TRPM3: variants seen among roughly 807,000 people sequenced by gnomAD.
TRPM3 encodes transient receptor potential cation channel subfamily M member 3.
A neutral mutation model predicts 181.2 loss-of-function variants in TRPM3; 77 were observed. The observed-to-expected ratio is 0.42, with a 90% CI of 0.35 to 0.51. TRPM3 has a LOEUF of 0.51. TRPM3 is among the 20% of genes least tolerant of loss of function. The pLI is 0.01. For missense variants in TRPM3, 1,759 were observed against 2,196.7 expected (o/e 0.80, Z 3.98); for synonymous variants, 745 against 796.4 (o/e 0.94, Z 1.09).
At chr9:70,770,686 C>G (rs558365462) in intron 7 of TRPM3, among the ~76,000 whole-genome samples, 1 of 152,196 alleles carries the variant, frequency 6.6e-6, no homozygotes, top group South Asian at 2.1e-4. Context: ...ATCTCCTCAT[C>G]TGTTAAATAA....
At chr9:71,323,746 AAAAT>A (rs925429345) in intron 1 of TRPM3, among the ~76,000 whole-genome samples, 2 of 152,156 alleles carry the variant, frequency 1.3e-5, no homozygotes, top group Admixed American at 6.6e-5. Context: ...CAGTGAAGGA[AAAAT>A]AAAGTTGACA....
In TRPM3 at chr9:71,437,286, A is replaced by T. The variant is rs1413163983; in HGVS notation, c.183+9367T>A. On this transcript the variant is annotated intron_variant, in intron 1 of 24. Transcript: ENST00000357533. ...TAATATCACTATTTTGCAATGCCCA[A>T]ATAAAATAATGGATCTTGGCAAACT... is the stretch of plus-strand genomic sequence containing the variant. 2.0e-5 allele frequency among the ~76,000 whole-genome samples: 3 copies of T among 152,232 alleles called. No homozygotes were observed. In the East Asian group the frequency reaches 5.8e-4, roughly 29 times the overall value.
intron 7 of TRPM3, among the ~76,000 whole-genome samples, chr9:70,779,399 C>T (rs979287233): frequency 6.6e-5 from 10 of 152,048 alleles, no homozygotes; most frequent in African/African-American, 1.7e-4. Context: ...CATAAAAATC[C>T]GTAATAAAAT....
At chr9:70,673,949 C>CAAAAAAAA (rs5898160) in intron 9 of TRPM3, among the ~76,000 whole-genome samples, 2 of 89,628 alleles carry the variant, frequency 2.2e-5, no homozygotes, top group Non-Finnish European at 2.0e-5. Flanking sequence ...AACTCCATCT[C>CAAAAAAAA]AAAAAAAAAA....
At chr9:71,441,376 A>G (rs1439523128) in intron 1 of TRPM3, among the ~76,000 whole-genome samples, 1 of 152,210 alleles carries the variant, frequency 6.6e-6, no homozygotes, top group African/African-American at 2.4e-5. Context: ...TGGTTTATAC[A>G]GTAATGGGCT....
intron 1 of TRPM3, among the ~76,000 whole-genome samples, chr9:71,371,412 A>G (rs2092508912): frequency 6.6e-6 from 1 of 152,222 alleles, no homozygotes; most frequent in Admixed American, 6.5e-5. Flanking sequence ...GTTTGGAAGA[A>G]GTTGATTACA....
intron 1 of TRPM3, among the ~76,000 whole-genome samples, chr9:71,333,901 C>A (rs917519809): frequency 1.3e-5 from 2 of 151,776 alleles, no homozygotes; most frequent in South Asian, 4.2e-4. Flanking sequence ...AAAACCAATT[C>A]GTTTAATAGC....
chr9:71,052,343 G>A (rs535365370), intron 1 of TRPM3, among the ~76,000 whole-genome samples: 30 of 152,242 alleles, frequency 2.0e-4, no homozygotes, highest in African/African-American at 6.0e-4. Context: ...GAAAACCCAC[G>A]AAGGAAGAAA....
chr9:70,681,928 G>A (rs185821993), intron 8 of TRPM3, among the ~76,000 whole-genome samples: 2 of 152,260 alleles, frequency 1.3e-5, no homozygotes, highest in East Asian at 3.9e-4. Flanking sequence ...ATTAGGTGAT[G>A]ATTAATAGTC....
At chr9:70,538,943 A>C (rs1436871068) in intron 25 of TRPM3, among the ~76,000 whole-genome samples, 1 of 152,278 alleles carries the variant, frequency 6.6e-6, no homozygotes. Flanking sequence ...ACCAAAGCCA[A>C]GTTACAATTT....
chr9:71,106,592 A>C (rs1565208874), intron 1 of TRPM3, among the ~76,000 whole-genome samples: 1 of 152,016 alleles, frequency 6.6e-6, no homozygotes, highest in African/African-American at 2.4e-5. Flanking sequence ...GCCAAAATAA[A>C]CCTCTTCTCT....
intron 1 of TRPM3, among the ~76,000 whole-genome samples, chr9:70,936,926 CA>C (rs2096834069): frequency 6.6e-6 from 1 of 151,944 alleles, no homozygotes; most frequent in South Asian, 2.1e-4. Flanking sequence ...AAAAACCATA[CA>C]AAAAACACAC....
chr9:71,191,528 C>T (rs1161015366), intron 1 of TRPM3, among the ~76,000 whole-genome samples: 1 of 151,506 alleles, frequency 6.6e-6, no homozygotes, highest in Non-Finnish European at 1.5e-5. Context: ...TTTATTTTTG[C>T]TCATGTGGTC....
At chr9:70,876,065 G>T (rs1489113351) in intron 1 of TRPM3, among the ~76,000 whole-genome samples, 1 of 151,666 alleles carries the variant, frequency 6.6e-6, no homozygotes, top group Non-Finnish European at 1.5e-5. Flanking sequence ...TCATAAGCTA[G>T]TCTTTAATTT....
chr9:71,073,202 A>G (rs991759948), intron 1 of TRPM3, among the ~76,000 whole-genome samples: 3 of 152,184 alleles, frequency 2.0e-5, no homozygotes, highest in Non-Finnish European at 4.4e-5. Flanking sequence ...AACTTCGAAC[A>G]GAAGACTATA....
chr9:70,918,315 A>G (rs1208109517), intron 1 of TRPM3, among the ~76,000 whole-genome samples: 6 of 152,202 alleles, frequency 3.9e-5, no homozygotes, highest in African/African-American at 1.4e-4. Flanking sequence ...ATGGATGTAG[A>G]ATACACATTC....
At chr9:70,910,212 G>A (rs2096524666) in intron 1 of TRPM3, among the ~76,000 whole-genome samples, 1 of 152,190 alleles carries the variant, frequency 6.6e-6, no homozygotes, top group African/African-American at 2.4e-5. Flanking sequence ...CTATGTAGCA[G>A]TGAACAAGAG....
chr9:71,361,870 T>C (rs890255493), intron 1 of TRPM3, among the ~76,000 whole-genome samples: 1 of 152,192 alleles, frequency 6.6e-6, no homozygotes, highest in African/African-American at 2.4e-5. Context: ...CGGGTTCAAA[T>C]ATATTTGAAA....
At chr9:71,260,232 T>C (rs2082950357) in intron 1 of TRPM3, among the ~76,000 whole-genome samples, 1 of 152,180 alleles carries the variant, frequency 6.6e-6, no homozygotes, top group Non-Finnish European at 1.5e-5. Flanking sequence ...TCTGTTCCAT[T>C]GGTCTATACA....
Sources: allele counts gnomAD v4.1 joint callset (sites outside exome capture counted in the v4.1 genomes callset), GRCh38; gene constraint gnomAD v4.1.1; transcripts MANE v1.5; gene names NCBI Gene and HGNC (gene_info 2026-07-23, HGNC 2026-07-21).